PAQR3: variants seen among roughly 807,000 people sequenced by gnomAD.
PAQR3 encodes Raf kinase trapping to Golgi.
A neutral mutation model predicts 41.7 loss-of-function variants in PAQR3; 39 were observed. The observed-to-expected ratio is 0.93, with a 90% CI of 0.72 to 1.22. The LOEUF is 1.22. Among genes scored for constraint, PAQR3 ranks in the 50% most tolerant of loss-of-function variants. The pLI, the probability that PAQR3 is intolerant of heterozygous loss-of-function variation, is 0.00. For missense variants in PAQR3, 366 were observed against 385.6 expected, an observed-to-expected ratio of 0.95 and a Z score of 0.42; for synonymous variants, 140 against 140.6, an observed-to-expected ratio of 1.00 and a Z score of 0.03.
At chr4:78,902,403 A>G (rs1437088937) in intron 11 of PAQR3, among the ~76,000 whole-genome samples, 1 of 151,738 alleles carries the variant, frequency 6.6e-6, no homozygotes, top group African/African-American at 2.4e-5. Context: ...CTTATACTCA[A>G]ACCCTGTCAC....
At chr4:78,930,346 T>C (rs1736724143) in intron 2 of PAQR3, 21 bp from the exon 3 acceptor site, 1 of 1,587,422 alleles carries the variant, frequency 6.3e-7, no homozygotes, top group Non-Finnish European at 8.5e-7. Context: ...TAAAAACAAA[T>C]TAACAAAGTG....
At position 78,919,051 on chromosome 4, in the gene PAQR3, T is replaced by C; in HGVS notation, c.*1488A>G. On this transcript the variant is annotated 3_prime_UTR_variant, in exon 6 of 6. Coordinates refer to ENST00000512733, the MANE Select transcript of PAQR3 (RefSeq NM_001040202.2). The stretch of plus-strand genomic sequence containing the variant: ...GGAAATTCTCTTTGCTGAGATACTA[T>C]ACTAGCATGGGGAATTTATATTCCA... The C allele has an allele frequency of 1.0e-6, 1 of 984,588 alleles. No individual in the cohort carries two copies. The highest frequency in any genetic ancestry group is 1.2e-6 in the Non-Finnish European group (1 of 829,716). The allele number at this position is 984,588 out of a possible 1,614,324, so 61.0% of individuals were successfully genotyped here.
intron 11 of PAQR3, among the ~76,000 whole-genome samples, chr4:78,896,492 A>G (rs1477924714): frequency 6.6e-6 from 1 of 152,194 alleles, no homozygotes; most frequent in African/African-American, 2.4e-5. Flanking sequence ...GTAATAGTCC[A>G]TAACATGTGA....
intron 11 of PAQR3, among the ~76,000 whole-genome samples, chr4:78,904,695 A>C (rs1734200353): frequency 6.6e-6 from 1 of 151,938 alleles, no homozygotes; most frequent in Non-Finnish European, 1.5e-5. Flanking sequence ...GAAGTAAAGA[A>C]TTGAAAGAGC....
rs1020116013 is a variant in PAQR3 at position 78,915,903 on chromosome 4, A to G, written c.*4636T>C. On this transcript the variant is annotated 3_prime_UTR_variant, in exon 6 of 6. Transcript: ENST00000512733. ...TGAAAAGTCATCTAATAGAAGCTGTATAGAAGCTACTTTTTAATTGCTGGC... is the reference window on the plus strand; with the variant it reads ...TGAAAAGTCATCTAATAGAAGCTGTGTAGAAGCTACTTTTTAATTGCTGGC... 1.3e-5 allele frequency: 2 copies of G among 151,986 alleles called. No homozygotes were observed. The highest frequency in any genetic ancestry group is 4.8e-5 in the African/African-American group (2 of 41,448). The allele number at this position is 151,986 out of a possible 1,614,324, so 9.4% of individuals were successfully genotyped here. A position where few individuals can be genotyped will look rare whatever the true frequency, so the allele number is the denominator to read the frequency against.
At chr4:78,903,701 A>T (rs901066658) in intron 11 of PAQR3, among the ~76,000 whole-genome samples, 7 of 152,048 alleles carry the variant, frequency 4.6e-5, no homozygotes, top group African/African-American at 7.2e-5. Context: ...ATTAAAAAAA[A>T]TTTTTAATAC....
At chr4:78,908,746 A>T (rs1734413175), downstream of PAQR3, among the ~76,000 whole-genome samples, 1 of 152,206 alleles carries the variant, frequency 6.6e-6, no homozygotes, top group Non-Finnish European at 1.5e-5. Context: ...CTCATTTTTT[A>T]AAAAATTATG....
chr4:78,918,587 C>A lies in PAQR3; in HGVS notation c.*1952G>T. The A allele has an allele frequency of 1.0e-6, 1 of 973,578 alleles. No individual in the cohort carries two copies. The highest frequency in any genetic ancestry group is 5.3e-4 in the Middle Eastern group (1 of 1,884). 60.3% of individuals were successfully genotyped at this position (973,578 alleles called of 1,614,324 possible). On this transcript the variant is annotated 3_prime_UTR_variant, in exon 6 of 6. Transcript: ENST00000512733. ...GAAAGACCTGTACACCCTTTAAATT[C>A]AAAGAAACACGGATTTAAAAACACA...
At chr4:78,895,952 A>G (rs1396173334) in intron 11 of PAQR3, among the ~76,000 whole-genome samples, 7 of 151,990 alleles carry the variant, frequency 4.6e-5, no homozygotes, top group Non-Finnish European at 1.5e-5. Context: ...AGTAGAGACA[A>G]GGTCTCGCTG....
At chr4:78,925,350 C>A (rs868687143) in intron 4 of PAQR3, among the ~76,000 whole-genome samples, 1 of 55,518 alleles carries the variant, frequency 1.8e-5, no homozygotes, top group Non-Finnish European at 4.5e-5. Context: ...GGCAGTTCCC[C>A]ATTTCATTTT....
At chr4:78,936,246 A>G (rs1037560895) in intron 1 of PAQR3, among the ~76,000 whole-genome samples, 5 of 152,238 alleles carry the variant, frequency 3.3e-5, no homozygotes, top group African/African-American at 1.2e-4. Flanking sequence ...CATCATGACT[A>G]AAGATTAAAA....
chr4:78,918,522 T>G lies in PAQR3; in HGVS notation c.*2017A>C, dbSNP rs1270084480. On this transcript the variant is annotated 3_prime_UTR_variant, in exon 6 of 6. Coordinates refer to ENST00000512733, the MANE Select transcript of PAQR3 (RefSeq NM_001040202.2). ...TTTCTTACAATATTTAACATTTTCA[T>G]ACAGAGTTGAAATGTTTACATGGAA... is the stretch of plus-strand genomic sequence containing the variant. The G allele has an allele frequency of 1.7e-5, 16 of 967,766 alleles. No homozygotes were observed. The highest frequency in any genetic ancestry group is 2.0e-5 in the Non-Finnish European group (16 of 813,738). The allele number at this position is 967,766 out of a possible 1,614,324, so 59.9% of individuals were successfully genotyped here.
chr4:78,924,574 G>A (rs899962689), intron 4 of PAQR3, among the ~76,000 whole-genome samples: 9 of 152,050 alleles, frequency 5.9e-5, no homozygotes, highest in Admixed American at 1.3e-4. Flanking sequence ...CAGAAGGATC[G>A]CTTGATGACA....
rs779427560 is a variant in PAQR3 at position 78,920,694 on chromosome 4, TAGAA to T, written c.794-17_794-14del. On this transcript the variant is annotated splice_polypyrimidine_tract_variant and intron_variant, in intron 5 of 5. Transcript: ENST00000512733. ...TAGTTTAGTTGTCCTGGAAAGAAGG[TAGAA>T]AGAAAATGATAATGATTTCAATATG... The T allele has an allele frequency of 1.9e-6, 3 of 1,594,092 alleles. No individual in the cohort carries two copies. The South Asian group carries it at 3.4e-5, about 18-fold the overall frequency.
intron 5 of PAQR3, chr4:78,921,636 T>C (rs1468085262): frequency 1.0e-6 from 1 of 959,658 alleles, no homozygotes. Context: ...ATGGACACCT[T>C]GGGGACCCTT....
chr4:78,905,533 T>C (rs12645310), intron 11 of PAQR3, among the ~76,000 whole-genome samples: 10,502 of 152,040 alleles, frequency 0.069, 507 homozygotes, highest in East Asian at 0.22. Context: ...TGTAAATACA[T>C]GTTGTTAGTG....
At chr4:78,933,268 T>C in intron 2 of PAQR3, 1 of 456,220 alleles carries the variant, frequency 2.2e-6, no homozygotes, top group Non-Finnish European at 4.4e-6. Flanking sequence ...AAATATTTGT[T>C]AACTGAATGT....
chr4:78,903,550 GTTCT>G (rs1260201135), intron 11 of PAQR3, among the ~76,000 whole-genome samples: 1 of 151,828 alleles, frequency 6.6e-6, no homozygotes, highest in East Asian at 1.9e-4. Context: ...TATCAGGTAA[GTTCT>G]ATTATTGTCT....
intron 4 of PAQR3, among the ~76,000 whole-genome samples, chr4:78,925,560 T>C (rs1294000577): frequency 1.3e-5 from 2 of 152,184 alleles, no homozygotes; most frequent in Admixed American, 1.3e-4. Context: ...TCTTTTCAGC[T>C]GTACACCCAA....
Sources: allele counts gnomAD v4.1 joint callset (sites outside exome capture counted in the v4.1 genomes callset), GRCh38; gene constraint gnomAD v4.1.1; transcripts MANE v1.5; gene names NCBI Gene and HGNC (gene_info 2026-07-23, HGNC 2026-07-21).